The following DIAPH2 variants were observed in gnomAD, a reference collection of about 807,000 sequenced individuals.
DIAPH2 encodes the protein diaphanous related formin 2, also known as protein diaphanous homolog 2.
In DIAPH2, 35 loss-of-function variants were observed where a neutral mutation model predicts 92.7. That is an observed-to-expected ratio of 0.38 (90% CI 0.29 to 0.50). The LOEUF (loss-of-function observed/expected upper bound fraction) is 0.50. Ranked by LOEUF, DIAPH2 falls within the 20% of genes least tolerant of loss-of-function variation. The pLI is 0.94. For missense variants in DIAPH2, 701 were observed against 819.5 expected (o/e 0.86, Z 1.77); for synonymous variants, 301 against 280.4 (o/e 1.07, Z -0.73).
intron 1 of DIAPH2, among the ~76,000 whole-genome samples, chrX:96,685,656 A>G (rs774657292): frequency 8.9e-6 from 1 of 112,004 alleles, no homozygotes; most frequent in African/African-American, 3.2e-5. Context: ...CAAGAAGAAC[A>G]CTATTTATGC....
At chrX:97,024,981 T>G (rs1294740753) in intron 17 of DIAPH2, among the ~76,000 whole-genome samples, 1 of 112,072 alleles carries the variant, frequency 8.9e-6, no homozygotes, top group African/African-American at 3.2e-5. Context: ...AACGTTTGCT[T>G]GTGGTAGCAA....
chrX:97,549,294 T>A (rs1255319622), intron 26 of DIAPH2, among the ~76,000 whole-genome samples: 1 of 111,506 alleles, frequency 9.0e-6, no homozygotes, highest in East Asian at 2.8e-4. Context: ...TTGGGAGTAA[T>A]CTAACATGTG....
intron 25 of DIAPH2, among the ~76,000 whole-genome samples, chrX:97,385,527 G>A (rs2069591602): frequency 9.0e-6 from 1 of 111,271 alleles, no homozygotes; most frequent in African/African-American, 3.3e-5. Flanking sequence ...CACTGCACCC[G>A]GCACTTTTAC....
chrX:97,162,120 A>T, intron 22 of DIAPH2, among the ~76,000 whole-genome samples: 1 of 111,295 alleles, frequency 9.0e-6, no homozygotes, highest in East Asian at 2.8e-4. Context: ...TTTCTTGAGA[A>T]TTATCTTCCA....
At chrX:97,168,011 G>C (rs2067424227) in intron 22 of DIAPH2, among the ~76,000 whole-genome samples, 1 of 111,238 alleles carries the variant, frequency 9.0e-6, no homozygotes. Context: ...TTTAGAAACA[G>C]TTGTGGCTAG....
intron 4 of DIAPH2, among the ~76,000 whole-genome samples, chrX:96,827,320 T>C (rs2064822187): frequency 1.8e-5 from 2 of 112,237 alleles, no homozygotes; most frequent in Non-Finnish European, 3.8e-5. Context: ...GGGGAAGATA[T>C]TAGCTAAAGA....
In DIAPH2 at chrX:97,147,789, ACAAT is replaced by A. The variant is rs1280440247; in HGVS notation, c.2719+5999_2719+6002del. Among the ~76,000 whole-genome samples the A allele has an allele frequency of 2.7e-5, 3 of 111,389 alleles. No homozygotes were observed. In the Admixed American group the frequency reaches 2.9e-4, roughly 11 times the overall value. Reference sequence around the variant, plus strand: ...AATTAAATAAATTATTATAATTTTAACAATCAACTATACCTTTTGATATCTGCCA... The same window carrying A: ...AATTAAATAAATTATTATAATTTTAACAACTATACCTTTTGATATCTGCCA... On this transcript the variant is annotated intron_variant, in intron 22 of 26. Transcript: ENST00000324765.
intron 25 of DIAPH2, among the ~76,000 whole-genome samples, chrX:97,406,707 C>G (rs1211271613): frequency 1.8e-5 from 2 of 111,633 alleles, no homozygotes; most frequent in Non-Finnish European, 1.9e-5. Context: ...CTTATCATTT[C>G]TTTGTGGACT....
intron 5 of DIAPH2, among the ~76,000 whole-genome samples, chrX:96,889,192 G>A (rs1174972598): frequency 1.8e-5 from 2 of 111,443 alleles, no homozygotes; most frequent in Non-Finnish European, 3.8e-5. Context: ...TTATGATATC[G>A]TAATACCATT....
chrX:97,583,495 G>A (rs1158021533), intron 26 of DIAPH2, among the ~76,000 whole-genome samples: 4 of 111,929 alleles, frequency 3.6e-5, no homozygotes, highest in South Asian at 7.5e-4. Flanking sequence ...CGGGGGTCAG[G>A]GGTCAGGGAC....
intron 21 of DIAPH2, among the ~76,000 whole-genome samples, chrX:97,131,418 T>C (rs2067137398): frequency 9.0e-6 from 1 of 111,638 alleles, no homozygotes; most frequent in South Asian, 3.8e-4. Context: ...ATCACTAATG[T>C]TAAGTGCCAT....
At chrX:96,759,111 A>G (rs1159226407) in intron 4 of DIAPH2, among the ~76,000 whole-genome samples, 1 of 111,020 alleles carries the variant, frequency 9.0e-6, no homozygotes, top group Non-Finnish European at 1.9e-5. Context: ...TTTTGTGTGT[A>G]TACATATGCA....
intron 26 of DIAPH2, among the ~76,000 whole-genome samples, chrX:97,432,358 G>A (rs1251836179): frequency 1.8e-5 from 2 of 110,081 alleles, no homozygotes; most frequent in Non-Finnish European, 3.8e-5. Context: ...ACAGTGGTGC[G>A]ATCTCGGCCC....
chrX:96,754,954 G>GAAAAAAAAAAAAAAAAAAAAAAAAAAA (rs2064216966), intron 3 of DIAPH2, among the ~76,000 whole-genome samples: 1 of 82,346 alleles, frequency 1.2e-5, no homozygotes, highest in Non-Finnish European at 2.5e-5. Flanking sequence ...AAAAAAAAAG[G>GAAAAAAAAAAAAAAAAAAAAAAAAAAA]AAATAGATAC....
At chrX:96,734,517 G>A (rs1296908606) in intron 1 of DIAPH2, among the ~76,000 whole-genome samples, 1 of 111,232 alleles carries the variant, frequency 9.0e-6, no homozygotes, top group African/African-American at 3.3e-5. Context: ...AGAGTTGCAG[G>A]GTGAATTCAT....
At chrX:97,505,927 C>G (rs1181342436) in intron 26 of DIAPH2, among the ~76,000 whole-genome samples, 1 of 110,216 alleles carries the variant, frequency 9.1e-6, no homozygotes, top group Admixed American at 9.8e-5. Context: ...TTCCAATTCC[C>G]TCCTATTTTT....
intron 25 of DIAPH2, among the ~76,000 whole-genome samples, chrX:97,391,633 T>C (rs2069660491): frequency 9.0e-6 from 1 of 111,366 alleles, no homozygotes; most frequent in Non-Finnish European, 1.9e-5. Context: ...AAGCTTCTAT[T>C]TCCTATCAAT....
intron 23 of DIAPH2, among the ~76,000 whole-genome samples, chrX:97,273,476 A>T (rs983772062): frequency 4.5e-5 from 5 of 111,717 alleles, no homozygotes; most frequent in Non-Finnish European, 7.5e-5. Context: ...CTCTTTTTAT[A>T]AGTTCAGATA....
chrX:96,994,264 A>C (rs377297470), intron 17 of DIAPH2, among the ~76,000 whole-genome samples: 1 of 111,883 alleles, frequency 8.9e-6, no homozygotes, highest in Non-Finnish European at 1.9e-5. Context: ...AATTAGTGAC[A>C]TATTAAACTT....
Sources: allele counts gnomAD v4.1 joint callset (sites outside exome capture counted in the v4.1 genomes callset), GRCh38; gene constraint gnomAD v4.1.1; transcripts MANE v1.5; gene names NCBI Gene and HGNC (gene_info 2026-07-23, HGNC 2026-07-21).